Variants in MAPK10 observed in about 807,000 individuals in gnomAD.
MAPK10 encodes JNK3 alpha protein kinase.
Under a neutral mutation model 59.3 loss-of-function variants are expected in MAPK10, and 25 were observed. The observed-to-expected ratio is 0.42, with a 90% CI of 0.31 to 0.59. MAPK10 has a LOEUF of 0.59. Ranked by LOEUF, MAPK10 falls within the 20% of genes least tolerant of loss-of-function variation. The pLI is 0.15. For missense variants in MAPK10, 351 were observed against 568.9 expected, an observed-to-expected ratio of 0.62 and a Z score of 3.90; for synonymous variants, 190 against 200.5, an observed-to-expected ratio of 0.95 and a Z score of 0.44.
chr4:86,301,723 C>T (rs991431364), intron 2 of MAPK10, among the ~76,000 whole-genome samples: 4 of 152,112 alleles, frequency 2.6e-5, no homozygotes, highest in African/African-American at 9.7e-5. Flanking sequence ...AAACAGTCTA[C>T]CCTCAAAGAA....
intron 11 of MAPK10, among the ~76,000 whole-genome samples, chr4:86,040,210 A>G (rs1371432788): frequency 6.6e-6 from 1 of 152,216 alleles, no homozygotes; most frequent in Non-Finnish European, 1.5e-5. Flanking sequence ...AAAAGTCAAA[A>G]TAATTGTTTT....
At chr4:86,479,086 G>A (rs1364763594) in intron 1 of MAPK10, among the ~76,000 whole-genome samples, 2 of 152,086 alleles carry the variant, frequency 1.3e-5, no homozygotes, top group African/African-American at 4.8e-5. Context: ...ACTTTCACTG[G>A]ATAGGTAGAG....
At chr4:86,559,683 A>G (rs1760524175) in intron 1 of MAPK10, among the ~76,000 whole-genome samples, 1 of 152,192 alleles carries the variant, frequency 6.6e-6, no homozygotes, top group African/African-American at 2.4e-5. Flanking sequence ...CTCTAATCCC[A>G]GCACTTCGGG....
At chr4:86,421,825 T>C (rs1400763744) in intron 1 of MAPK10, among the ~76,000 whole-genome samples, 1 of 152,150 alleles carries the variant, frequency 6.6e-6, no homozygotes, top group African/African-American at 2.4e-5. Flanking sequence ...ATGGGTGGCT[T>C]CCCATTGCTC....
At chr4:86,034,825 A>G (rs192799721) in intron 11 of MAPK10, among the ~76,000 whole-genome samples, 13 of 152,206 alleles carry the variant, frequency 8.5e-5, no homozygotes, top group Non-Finnish European at 1.3e-4. Context: ...AAGATAAAAG[A>G]AGGAGGAAAA....
intron 11 of MAPK10, among the ~76,000 whole-genome samples, chr4:86,039,569 G>T (rs2041067102): frequency 6.6e-6 from 1 of 152,148 alleles, no homozygotes; most frequent in Non-Finnish European, 1.5e-5. Context: ...TGGTCTCTGG[G>T]CCACTCTACT....
Position 86,574,524 on chromosome 4 carries a change from G to A in MAPK10, c.-263+19386C>T, listed in dbSNP as rs111771033. Among the ~76,000 whole-genome samples, 636 of 143,376 alleles carry A rather than the reference G, an allele frequency of 4.4e-3. 2 individuals are homozygous for A. The highest frequency in any genetic ancestry group is 7.1e-3 in the Middle Eastern group (2 of 282). The allele number at this position is 143,376 out of a possible 152,430, so 94.1% of individuals were successfully genotyped here. ...TGAACTAGTTTACAGTCCCACCAAC[G>A]GTGTAAAAGTGTTCCTATTTCTCCA... is the stretch of plus-strand genomic sequence containing the variant. On this transcript the variant is annotated intron_variant, in intron 1 of 4. Transcript: ENST00000502302.
intron 2 of MAPK10, among the ~76,000 whole-genome samples, chr4:86,335,858 G>T (rs1382276990): frequency 6.6e-6 from 1 of 152,106 alleles, no homozygotes; most frequent in African/African-American, 2.4e-5. Context: ...CATGAGAACA[G>T]CATGGGGGAA....
At chr4:86,101,495 G>T in intron 7 of MAPK10, 1 of 408,136 alleles carries the variant, frequency 2.5e-6, no homozygotes, top group Non-Finnish European at 4.4e-6. Flanking sequence ...CTTCTGTTAG[G>T]TTTCTCCTTA....
chr4:86,298,488 T>C (rs1584286192), intron 2 of MAPK10, among the ~76,000 whole-genome samples: 1 of 152,208 alleles, frequency 6.6e-6, no homozygotes, highest in South Asian at 2.1e-4. Context: ...AGGAAACCAC[T>C]GAAGCCAGTT....
chr4:86,188,323 C>T (rs922449841), intron 3 of MAPK10, among the ~76,000 whole-genome samples: 1 of 152,298 alleles, frequency 6.6e-6, no homozygotes, highest in East Asian at 1.9e-4. Flanking sequence ...AATCACCACA[C>T]TGTCTTCCAC....
chr4:86,049,892 T>A (rs575726650), intron 11 of MAPK10, among the ~76,000 whole-genome samples: 1 of 152,266 alleles, frequency 6.6e-6, no homozygotes, highest in East Asian at 1.9e-4. Flanking sequence ...ATTGTGTTAC[T>A]CCCTGATTAA....
intron 2 of MAPK10, among the ~76,000 whole-genome samples, chr4:86,256,634 T>C (rs2093722716): frequency 6.6e-6 from 1 of 151,978 alleles, no homozygotes; most frequent in African/African-American, 2.4e-5. Flanking sequence ...TCATACTTCT[T>C]CTTATTTTTA....
At chr4:86,532,444 CT>C (rs1757921258) in intron 1 of MAPK10, among the ~76,000 whole-genome samples, 3 of 152,130 alleles carry the variant, frequency 2.0e-5, no homozygotes, top group Admixed American at 2.0e-4. Flanking sequence ...GCTTCTACCC[CT>C]ATCTCCTTCT....
chr4:86,464,304 G>C (rs891430172), intron 1 of MAPK10, among the ~76,000 whole-genome samples: 1 of 152,212 alleles, frequency 6.6e-6, no homozygotes, highest in African/African-American at 2.4e-5. Context: ...TAATGGTAAA[G>C]CTTCTTATTC....
intron 1 of MAPK10, among the ~76,000 whole-genome samples, chr4:86,491,142 A>C (rs1360135468): frequency 1.3e-5 from 2 of 152,190 alleles, no homozygotes; most frequent in African/African-American, 4.8e-5. Flanking sequence ...GCCGGAGCAA[A>C]GTATGGCAGT....
chr4:86,415,378 C>A (rs771593500), intron 1 of MAPK10, among the ~76,000 whole-genome samples: 3 of 152,080 alleles, frequency 2.0e-5, no homozygotes, highest in Non-Finnish European at 2.9e-5. Flanking sequence ...AATTATAATT[C>A]TTTTAAGGGC....
intron 1 of MAPK10, among the ~76,000 whole-genome samples, chr4:86,526,799 C>T (rs376421746): frequency 1.3e-5 from 2 of 152,008 alleles, no homozygotes; most frequent in African/African-American, 4.8e-5. Flanking sequence ...TGATTTCTGC[C>T]TTGATTTCTT....
rs983316680 is a variant in MAPK10 at position 86,545,910 on chromosome 4, A to G, written c.-263+48000T>C. Among the ~76,000 whole-genome samples the G allele has an allele frequency of 5.3e-5, 8 of 152,206 alleles. No homozygotes were observed. The South Asian group carries it at 1.7e-3, about 31-fold the overall frequency. Reference sequence around the variant, plus strand: ...ACCACTGCAACAACATTGGCTACAGAATTTTGAGGGCTCAGTCCAAAATAA... The same window carrying G: ...ACCACTGCAACAACATTGGCTACAGGATTTTGAGGGCTCAGTCCAAAATAA... On this transcript the variant is annotated intron_variant, in intron 1 of 4. Coordinates refer to the MAPK10 transcript ENST00000502302.
Sources: allele counts gnomAD v4.1 joint callset (sites outside exome capture counted in the v4.1 genomes callset), GRCh38; gene constraint gnomAD v4.1.1; transcripts MANE v1.5; gene names NCBI Gene and HGNC (gene_info 2026-07-23, HGNC 2026-07-21).